CNKSR2: variants seen among roughly 807,000 people sequenced by gnomAD.
CNKSR2 encodes the protein CNK homolog protein 2.
Under a neutral mutation model 84.4 loss-of-function variants are expected in CNKSR2, and 14 were observed. That is an observed-to-expected ratio of 0.17 (90% CI 0.11 to 0.26). The LOEUF is 0.26. CNKSR2 is among the 10% of genes least tolerant of loss of function. The pLI, the probability that CNKSR2 is intolerant of heterozygous loss-of-function variation, is 1.00. For missense variants in CNKSR2, 485 were observed against 771.2 expected (o/e 0.63, Z 4.40); for synonymous variants, 275 against 277.9 (o/e 0.99, Z 0.10).
intron 20 of CNKSR2, chrX:21,641,608 G>A: frequency 8.6e-7 from 1 of 1,166,112 alleles, no homozygotes; most frequent in Non-Finnish European, 1.1e-6. Flanking sequence ...CAACCCATTG[G>A]ACTCACAGAT....
rs2091189806 is a variant in CNKSR2 at position 21,470,893 on chromosome X, T to G, written c.561+86T>G. 4 of 450,123 alleles carry G rather than the reference T, an allele frequency of 8.9e-6. No individual in the cohort carries two copies. The Admixed American group carries it at 1.1e-4, about 13-fold the overall frequency. 37.1% of individuals were successfully genotyped at this position (450,123 alleles called of 1,213,427 possible). Reference sequence around the variant, plus strand: ...GAGGTGAACCATAAGAAAAAAAATCTACTGACCACATCAGTTAAGTGTATT... The same window carrying G: ...GAGGTGAACCATAAGAAAAAAAATCGACTGACCACATCAGTTAAGTGTATT... On this transcript the variant is annotated intron_variant, in intron 5 of 21. Coordinates refer to ENST00000379510, the MANE Select transcript of CNKSR2 (RefSeq NM_014927.5).
At chrX:21,580,392 A>G (rs1251589103) in intron 13 of CNKSR2, among the ~76,000 whole-genome samples, 2 of 111,820 alleles carry the variant, frequency 1.8e-5, no homozygotes, top group African/African-American at 6.5e-5. Flanking sequence ...CAAAAATATC[A>G]GAATAAGAGT....
chrX:21,561,590 G>T, intron 12 of CNKSR2, 30 bp downstream of exon 12: 1 of 1,064,380 alleles, frequency 9.4e-7, no homozygotes, highest in Non-Finnish European at 1.3e-6. Context: ...AGTGTAGGCT[G>T]GGTTGTTTGA....
At chrX:21,500,524 C>CA (rs1215291120) in intron 7 of CNKSR2, among the ~76,000 whole-genome samples, 1 of 110,741 alleles carries the variant, frequency 9.0e-6, no homozygotes, top group South Asian at 3.7e-4. Context: ...TCTATCTAGA[C>CA]AAATACATTT....
intron 7 of CNKSR2, among the ~76,000 whole-genome samples, chrX:21,500,474 C>T: frequency 9.0e-6 from 1 of 111,151 alleles, no homozygotes; most frequent in East Asian, 2.8e-4. Context: ...AAGAGTATCA[C>T]AGCATTTATG....
intron 11 of CNKSR2, among the ~76,000 whole-genome samples, chrX:21,552,194 C>T (rs2092099659): frequency 9.0e-6 from 1 of 110,703 alleles, no homozygotes; most frequent in African/African-American, 3.3e-5. Context: ...TTAAGTAATC[C>T]AGCGATTTCC....
intron 20 of CNKSR2, among the ~76,000 whole-genome samples, chrX:21,646,076 G>A (rs1046698307): frequency 5.4e-5 from 6 of 111,133 alleles, no homozygotes; most frequent in African/African-American, 2.0e-4. Flanking sequence ...TGGCATCTCA[G>A]TCCCTCGTCC....
At position 21,583,476 on chromosome X, in the gene CNKSR2, TA is replaced by T. The variant is rs1036048097; in HGVS notation, c.1609-7087del. Among the ~76,000 whole-genome samples the T allele has an allele frequency of 2.3e-3, 249 of 110,523 alleles. 1 individual carries two copies. The highest frequency in any genetic ancestry group is 3.5e-3 in the Non-Finnish European group (183 of 52,630). On this transcript the variant is annotated intron_variant, in intron 13 of 21. Transcript: ENST00000379510. Reference sequence around the variant, plus strand: ...TCTCAAAGAGTTTTACTTGTTTATTTAAAAAAAAAGTGTGGAAGCAGCTATC... The same window carrying T: ...TCTCAAAGAGTTTTACTTGTTTATTTAAAAAAAAGTGTGGAAGCAGCTATC...
At chrX:21,472,530 A>G (rs2091210726) in intron 5 of CNKSR2, among the ~76,000 whole-genome samples, 1 of 111,875 alleles carries the variant, frequency 8.9e-6, no homozygotes, top group South Asian at 3.7e-4. Flanking sequence ...ATTTAGCTTC[A>G]TTCTTGGCTC....
chrX:21,535,329 C>T (rs768397645), intron 11 of CNKSR2, among the ~76,000 whole-genome samples: 75 of 111,288 alleles, frequency 6.7e-4, no homozygotes, highest in African/African-American at 2.4e-3. Context: ...CAGCTTTGTT[C>T]TTTTTGTTCA....
At chrX:21,514,023 C>T (rs1476541904) in intron 8 of CNKSR2, among the ~76,000 whole-genome samples, 1 of 111,699 alleles carries the variant, frequency 9.0e-6, no homozygotes, top group Non-Finnish European at 1.9e-5. Flanking sequence ...AGTCCTTACT[C>T]CCTTTAATCT....
At chrX:21,502,328 A>G (rs996590706) in intron 8 of CNKSR2, among the ~76,000 whole-genome samples, 4 of 106,055 alleles carry the variant, frequency 3.8e-5, no homozygotes, top group African/African-American at 6.8e-5. Context: ...GGACTATTTT[A>G]TATGTCTCAG....
chrX:21,506,264 A>C lies in CNKSR2; in HGVS notation c.810+4676A>C, dbSNP rs767224218. On this transcript the variant is annotated intron_variant, in intron 8 of 21. Transcript: ENST00000379510. ...TAGGATTCTGTGAAATCAGTATTCTAAAATAGAACAAGTGAATCATTCTCT... is the reference window on the plus strand; with the variant it reads ...TAGGATTCTGTGAAATCAGTATTCTCAAATAGAACAAGTGAATCATTCTCT... The C allele has an allele frequency of 3.6e-5, 4 of 111,827 alleles. No individual in the cohort carries two copies. The East Asian group carries it at 1.1e-3, about 31-fold the overall frequency. The allele number at this position is 111,827 out of a possible 1,213,427, so 9.2% of individuals were successfully genotyped here.
intron 18 of CNKSR2, among the ~76,000 whole-genome samples, chrX:21,602,008 A>G (rs992301187): frequency 8.9e-6 from 1 of 112,534 alleles, no homozygotes; most frequent in Non-Finnish European, 1.9e-5. Context: ...ACTTATAAAC[A>G]CAAACCTATT....
chrX:21,557,428 C>T (rs2092149644), intron 11 of CNKSR2, among the ~76,000 whole-genome samples: 1 of 110,614 alleles, frequency 9.0e-6, no homozygotes, highest in Non-Finnish European at 1.9e-5. Flanking sequence ...TTCTGTGTGC[C>T]TCTATAAAAA....
chrX:21,405,835 A>G (rs1350098293), intron 1 of CNKSR2, among the ~76,000 whole-genome samples: 1 of 111,490 alleles, frequency 9.0e-6, no homozygotes, highest in Non-Finnish European at 1.9e-5. Flanking sequence ...ATTAAGTTTT[A>G]TAATTAAAAA....
intron 20 of CNKSR2, among the ~76,000 whole-genome samples, chrX:21,630,865 TATA>T (rs1036552732): frequency 9.0e-6 from 1 of 111,196 alleles, no homozygotes; most frequent in African/African-American, 3.3e-5. Flanking sequence ...TAGTAGAAAT[TATA>T]ATTAGTGTAC....
chrX:21,388,367 C>T, intron 1 of CNKSR2, among the ~76,000 whole-genome samples: 1 of 112,019 alleles, frequency 8.9e-6, no homozygotes, highest in Middle Eastern at 4.6e-3. Flanking sequence ...ATTTGATGAG[C>T]CATTCTAGTA....
intron 13 of CNKSR2, among the ~76,000 whole-genome samples, chrX:21,590,193 A>G (rs2092412044): frequency 9.0e-6 from 1 of 111,686 alleles, no homozygotes; most frequent in Admixed American, 9.5e-5. Flanking sequence ...TGAACAAAGG[A>G]TAGTCATATT....
Sources: gnomAD v4.1 joint callset for allele counts (sites outside exome capture counted in the v4.1 genomes callset) on GRCh38, gnomAD v4.1.1 for gene constraint, MANE v1.5 for transcripts, NCBI Gene and HGNC (gene_info 2026-07-23, HGNC 2026-07-21) for gene names.